Variants in NALF1 observed in about 807,000 individuals in gnomAD.
The protein encoded by NALF1 is NALCN channel auxiliary factor 1, also known as family with sequence similarity 155 member A.
Under a neutral mutation model 48.4 loss-of-function variants are expected in NALF1, and 3 were observed. That is an observed-to-expected ratio of 0.06 (90% CI 0.03 to 0.16). The LOEUF is 0.16. Ranked by LOEUF, NALF1 falls within the 10% of genes least tolerant of loss-of-function variation. NALF1 has a pLI of 1.00. For missense variants in NALF1, 526 were observed against 571.5 expected, an observed-to-expected ratio of 0.92 and a Z score of 0.81; for synonymous variants, 262 against 245.7, an observed-to-expected ratio of 1.07 and a Z score of -0.62.
chr13:107,497,971 A>C (rs1462944634), intron 1 of NALF1, among the ~76,000 whole-genome samples: 1 of 152,218 alleles, frequency 6.6e-6, no homozygotes, highest in Non-Finnish European at 1.5e-5. Flanking sequence ...CCTTGTTAGA[A>C]TATGAAACAT....
chr13:107,710,404 T>A (rs1875531908), intron 1 of NALF1, among the ~76,000 whole-genome samples: 1 of 152,224 alleles, frequency 6.6e-6, no homozygotes, highest in East Asian at 1.9e-4. Flanking sequence ...TGTTCTGGAT[T>A]AGGGCTTGCG....
At chr13:107,457,529 A>G (rs1338636577) in intron 1 of NALF1, among the ~76,000 whole-genome samples, 1 of 152,234 alleles carries the variant, frequency 6.6e-6, no homozygotes, top group Admixed American at 6.5e-5. Flanking sequence ...ATTTACTAGA[A>G]TACAACCTTA....
At chr13:107,759,240 GCT>G (rs1173719166) in intron 1 of NALF1, among the ~76,000 whole-genome samples, 1 of 152,050 alleles carries the variant, frequency 6.6e-6, no homozygotes, top group Non-Finnish European at 1.5e-5. Context: ...AGATAGTCTT[GCT>G]CTGTCACCCA....
chr13:107,214,416 G>A (rs1428348630), intron 1 of NALF1, among the ~76,000 whole-genome samples: 2 of 152,102 alleles, frequency 1.3e-5, no homozygotes, highest in Admixed American at 1.3e-4. Flanking sequence ...GAAATATTAG[G>A]TAAATTGCTT....
chr13:107,542,361 G>A (rs1877021980), intron 1 of NALF1, among the ~76,000 whole-genome samples: 1 of 152,036 alleles, frequency 6.6e-6, no homozygotes, highest in Non-Finnish European at 1.5e-5. Flanking sequence ...AAAGGTAGTA[G>A]CTAAAGGAAA....
intron 1 of NALF1, among the ~76,000 whole-genome samples, chr13:107,808,429 T>A (rs1369197909): frequency 6.6e-6 from 1 of 152,228 alleles, no homozygotes; most frequent in East Asian, 1.9e-4. Context: ...TTTCCCAAGA[T>A]TTGTCCTACT....
chr13:107,234,768 T>G (rs558911875), intron 1 of NALF1, among the ~76,000 whole-genome samples: 49 of 152,302 alleles, frequency 3.2e-4, no homozygotes, highest in Admixed American at 9.1e-4. Flanking sequence ...CTCCTTTGCT[T>G]TAAGAATTTT....
intron 2 of NALF1, among the ~76,000 whole-genome samples, chr13:107,201,641 AACAGG>A (rs1879523434): frequency 6.6e-6 from 1 of 152,240 alleles, no homozygotes; most frequent in East Asian, 1.9e-4. Context: ...TGCAGCGAGC[AACAGG>A]TCCTATCTTG....
chr13:107,819,959 G>A (rs950558297), intron 1 of NALF1, among the ~76,000 whole-genome samples: 3 of 152,002 alleles, frequency 2.0e-5, no homozygotes, highest in African/African-American at 4.8e-5. Flanking sequence ...CTTCTCCAAC[G>A]ATGTATTCAT....
intron 2 of NALF1, among the ~76,000 whole-genome samples, chr13:107,190,902 G>A (rs1407298452): frequency 6.6e-6 from 1 of 152,192 alleles, no homozygotes; most frequent in Non-Finnish European, 1.5e-5. Flanking sequence ...GGGATGGGGT[G>A]TAGCTTCATT....
At chr13:107,840,990 G>C (rs1397666171) in intron 1 of NALF1, among the ~76,000 whole-genome samples, 1 of 151,906 alleles carries the variant, frequency 6.6e-6, no homozygotes, top group African/African-American at 2.4e-5. Flanking sequence ...ATCCTGGCTT[G>C]GAAAATAAAT....
At chr13:107,716,797 C>G (rs1249988906) in intron 1 of NALF1, among the ~76,000 whole-genome samples, 1 of 152,014 alleles carries the variant, frequency 6.6e-6, no homozygotes, top group Non-Finnish European at 1.5e-5. Flanking sequence ...CGCTCAGACA[C>G]CAACTCTTGT....
intron 1 of NALF1, among the ~76,000 whole-genome samples, chr13:107,546,115 C>A (rs549505940): frequency 6.6e-6 from 1 of 152,194 alleles, no homozygotes; most frequent in South Asian, 2.1e-4. Context: ...GCAGTTATAG[C>A]CAACAACCCG....
rs137969414 is a variant in NALF1 at position 107,692,564 on chromosome 13, G to A, written c.915+173118C>T. On this transcript the variant is annotated intron_variant, in intron 1 of 2. Transcript: ENST00000375915. Reference sequence around the variant, plus strand: ...TAATTCTGGCTATTTATGGATTAACGTGTTATACTTGCTGCTAAAGAAACC... The same window carrying A: ...TAATTCTGGCTATTTATGGATTAACATGTTATACTTGCTGCTAAAGAAACC... Among the ~76,000 whole-genome samples, 383 of 152,164 alleles carry A rather than the reference G, an allele frequency of 2.5e-3. 5 individuals are homozygous for A. The highest frequency in any genetic ancestry group is 7.9e-3 in the African/African-American group (329 of 41,502).
chr13:107,256,551 A>C (rs1880818545), intron 1 of NALF1, among the ~76,000 whole-genome samples: 1 of 152,220 alleles, frequency 6.6e-6, no homozygotes, highest in Non-Finnish European at 1.5e-5. Context: ...GTATTCAAAA[A>C]CCATCACCTA....
intron 1 of NALF1, among the ~76,000 whole-genome samples, chr13:107,535,679 C>CTATAAATTTAA (rs1876783226): frequency 6.6e-6 from 1 of 152,124 alleles, no homozygotes; most frequent in Non-Finnish European, 1.5e-5. Context: ...TTAATGCCAT[C>CTATAAATTTAA]CCCATCAAGC....
At position 107,498,345 on chromosome 13, in the gene NALF1, T is replaced by C. The variant is rs988460552; in HGVS notation, c.916-287590A>G. On this transcript the variant is annotated intron_variant, in intron 1 of 2. Transcript: ENST00000375915. ...AACTACCAGTAAGGAATTGAAGAGC[T>C]TGGGAGAGGACTGTGGCAGATTAAG... is the stretch of plus-strand genomic sequence containing the variant. Among the ~76,000 whole-genome samples the C allele has an allele frequency of 2.0e-5, 3 of 152,226 alleles. No individual in the cohort carries two copies. The South Asian group carries it at 6.2e-4, about 32-fold the overall frequency.
intron 1 of NALF1, among the ~76,000 whole-genome samples, chr13:107,748,275 A>C (rs930524532): frequency 3.9e-5 from 6 of 152,226 alleles, no homozygotes; most frequent in Non-Finnish European, 8.8e-5. Flanking sequence ...GTATAAAAAT[A>C]ACTCAATTGC....
chr13:107,608,290 A>G (rs1490969442), intron 1 of NALF1, among the ~76,000 whole-genome samples: 2 of 152,184 alleles, frequency 1.3e-5, no homozygotes, highest in Non-Finnish European at 2.9e-5. Context: ...GATAATGTTA[A>G]GCCAAAAGCA....
Sources: gnomAD v4.1 joint callset for allele counts (sites outside exome capture counted in the v4.1 genomes callset) on GRCh38, gnomAD v4.1.1 for gene constraint, MANE v1.5 for transcripts, NCBI Gene and HGNC (gene_info 2026-07-23, HGNC 2026-07-21) for gene names.